MTA1: variants seen among roughly 807,000 people sequenced by gnomAD.
MTA1 encodes the protein metastasis-associated protein MTA1.
A neutral mutation model predicts 97.0 loss-of-function variants in MTA1; 15 were observed. The observed-to-expected ratio is 0.15, with a 90% CI of 0.10 to 0.24. The LOEUF (loss-of-function observed/expected upper bound fraction) is 0.24. MTA1 is among the 10% of genes least tolerant of loss of function. The pLI, the probability that MTA1 is intolerant of heterozygous loss-of-function variation, is 1.00. For synonymous variants in MTA1, 435 were observed against 417.5 expected (o/e 1.04, Z -0.51); for missense variants, 709 against 1,015.1 (o/e 0.70, Z 4.10).
chr14:105,465,062 C>A, intron 15 of MTA1, 32 bp from the exon 16 acceptor site: 1 of 1,480,794 alleles, frequency 6.8e-7, no homozygotes, highest in Non-Finnish European at 9.0e-7. Context: ...CCTGGGGGTG[C>A]CCCACCCCTC....
At chr14:105,425,164 G>A (rs781892022) in intron 1 of MTA1, among the ~76,000 whole-genome samples, 9 of 152,338 alleles carry the variant, frequency 5.9e-5, no homozygotes, top group Non-Finnish European at 8.8e-5. Flanking sequence ...GCCAGATTAT[G>A]GGCTGAGTCC....
chr14:105,441,997 AG>A (rs2082547995), intron 2 of MTA1, among the ~76,000 whole-genome samples: 1 of 152,196 alleles, frequency 6.6e-6, no homozygotes, highest in Non-Finnish European at 1.5e-5. Context: ...GATAAAGTTG[AG>A]GATACCGCAC....
chr14:105,463,967 G>A lies in MTA1; in HGVS notation c.1077-65G>A. ...GGGGTGGTCAGCCGCGGTGCCTGCT[G>A]GGCACATGGGCCCTCGAGGTTTGTG... On this transcript the variant is annotated intron_variant, in intron 12 of 20. Coordinates refer to ENST00000331320, the MANE Select transcript of MTA1 (RefSeq NM_004689.4). The surrounding 1 kb of genome is among the most constrained non-coding windows in gnomAD (Gnocchi z 5.9). The A allele has an allele frequency of 6.6e-7, 1 of 1,518,636 alleles. No individual in the cohort carries two copies. Among genetic ancestry groups the A allele is most frequent in the South Asian group, 1.1e-5 (1 of 88,512 alleles). 94.1% of individuals were successfully genotyped at this position (1,518,636 alleles called of 1,614,324 possible).
At chr14:105,433,611 A>G (rs1555423838) in intron 1 of MTA1, among the ~76,000 whole-genome samples, 1 of 152,180 alleles carries the variant, frequency 6.6e-6, no homozygotes, top group African/African-American at 2.4e-5. Context: ...ACTTAGAGCC[A>G]CGCACCTGGG....
At position 105,442,228 on chromosome 14, in the gene MTA1, C is replaced by T. The variant is rs587600869; in HGVS notation, c.97-3190C>T. ...CGGAGTCAAAACCCACTTTGCCTTTCGGCAGCCGCGTTCAGGTGTGGAGGC... is the reference window on the plus strand; with the variant it reads ...CGGAGTCAAAACCCACTTTGCCTTTTGGCAGCCGCGTTCAGGTGTGGAGGC... On this transcript the variant is annotated intron_variant, in intron 2 of 20. Transcript: ENST00000331320. 2.2e-4 allele frequency among the ~76,000 whole-genome samples: 33 copies of T among 152,340 alleles called. No homozygotes were observed. In the South Asian group the frequency reaches 2.9e-3, roughly 13 times the overall value.
intron 16 of MTA1, 169 bp downstream of exon 16, chr14:105,465,352 G>T: frequency 4.3e-6 from 2 of 462,864 alleles, no homozygotes; most frequent in Non-Finnish European, 7.2e-6. Flanking sequence ...GGCTCAGGCA[G>T]ACCCACTGGG....
rs1007702018 is a variant in MTA1, at chr14:105,464,584, C to T, written c.1344+17C>T. On this transcript the variant is annotated intron_variant, in intron 14 of 20. Coordinates refer to ENST00000331320, the MANE Select transcript of MTA1 (RefSeq NM_004689.4). ...AGTAACATGGTAAGGGGGGGGACACCCGCCCTGCCTGCCATGAGCCTGTCG... is the reference window on the plus strand; with the variant it reads ...AGTAACATGGTAAGGGGGGGGACACTCGCCCTGCCTGCCATGAGCCTGTCG... The T allele has an allele frequency of 1.9e-6, 3 of 1,612,358 alleles. No homozygotes were observed. The highest frequency in any genetic ancestry group is 2.7e-5 in the African/African-American group (2 of 75,036).
intron 4 of MTA1, 77 bp from the exon 5 acceptor site, chr14:105,449,981 G>A (rs2082860184): frequency 6.3e-7 from 1 of 1,596,960 alleles, no homozygotes; most frequent in Non-Finnish European, 8.6e-7. Flanking sequence ...GCTGGCGCCA[G>A]GTGGGGCTGG....
rs150056015 is a variant in MTA1 at position 105,432,401 on chromosome 14, C to T, written c.29-6271C>T. On this transcript the variant is annotated intron_variant, in intron 1 of 20. Coordinates refer to ENST00000331320, the MANE Select transcript of MTA1 (RefSeq NM_004689.4). ...GATTACAGGCACATGCCACCATGCC[C>T]GGCTAATTTTTGTATTTTTAGTGGA... Among the ~76,000 whole-genome samples the T allele has an allele frequency of 6.5e-3, 986 of 152,080 alleles. 19 individuals carry two copies. Among genetic ancestry groups the T allele is most frequent in the African/African-American group, 0.02 (837 of 41,466 alleles).
At position 105,420,371 on chromosome 14, in the gene MTA1, C is replaced by T. The variant is rs1280808003; in HGVS notation, c.28+308C>T. Among the ~76,000 whole-genome samples, 1 of 151,738 alleles carries T rather than the reference C, an allele frequency of 6.6e-6. No homozygotes were observed. The highest frequency in any genetic ancestry group is 2.4e-5 in the African/African-American group (1 of 41,368). On this transcript the variant is annotated intron_variant, in intron 1 of 20. Transcript: ENST00000331320. The surrounding 1 kb of genome is among the most constrained non-coding windows in gnomAD (Gnocchi z 5.3). ...GGGGCCTGCGGGACATCCGGGGGTC[C>T]GGGGCCGGGAGCCCCCAGCGGGAGC...
Position 105,464,094 on chromosome 14 carries a change from CGG to C in MTA1, c.1143_1144del (p.Pro383GlyfsTer28). On this transcript the variant is annotated frameshift_variant, in exon 13 of 21. Coordinates refer to ENST00000331320, the MANE Select transcript of MTA1 (RefSeq NM_004689.4). LOFTEE classifies it high-confidence loss of function. Reference sequence around the variant, plus strand: ...GTCAAGGCCGGTGTGGTGAACGGCACGGGGGCGCCGGGCCAGAGCCCTGGGGC... The same window carrying C: ...GTCAAGGCCGGTGTGGTGAACGGCACGGGCGCCGGGCCAGAGCCCTGGGGC... 1 of 1,612,286 alleles carries C rather than the reference CGG, an allele frequency of 6.2e-7. No individual in the cohort carries two copies. Among genetic ancestry groups the C allele is most frequent in the Non-Finnish European group, 8.5e-7 (1 of 1,179,714 alleles).
chr14:105,454,163 C>T (rs1351790246), intron 6 of MTA1, 30 bp from the exon 7 acceptor site: 22 of 1,551,694 alleles, frequency 1.4e-5, no homozygotes, highest in African/African-American at 5.4e-5. Context: ...ACTGTGCTGA[C>T]GCCTCTCTGT....
At chr14:105,447,084 T>C (rs2082740636) in intron 3 of MTA1, among the ~76,000 whole-genome samples, 1 of 152,208 alleles carries the variant, frequency 6.6e-6, no homozygotes, top group Non-Finnish European at 1.5e-5. Context: ...CTGCAGGTGC[T>C]GGGTGCCAGT....
intron 6 of MTA1, among the ~76,000 whole-genome samples, chr14:105,450,729 C>T (rs1353880849): frequency 2.0e-5 from 3 of 152,148 alleles, no homozygotes; most frequent in African/African-American, 4.8e-5. Context: ...TGTGATTATA[C>T]GGTGTTACCA....
intron 2 of MTA1, among the ~76,000 whole-genome samples, chr14:105,440,576 T>C (rs1199299488): frequency 3.3e-5 from 5 of 152,254 alleles, no homozygotes; most frequent in African/African-American, 9.6e-5. Flanking sequence ...CTTCCAGCCC[T>C]TGGGCGATGT....
intron 1 of MTA1, among the ~76,000 whole-genome samples, chr14:105,437,336 TGTCCTCATGGGTGTGTGGCTGCAGGTGC>T (rs1314580511): frequency 1.4e-4 from 21 of 149,138 alleles, no homozygotes; most frequent in Non-Finnish European, 2.2e-4. Context: ...CTCATGGGAG[TGTCCTCATGGGTGTGTGGCTGCAGGTGC>T]GTCCTCAGGG....
chr14:105,468,869 C>T (rs868932650), intron 18 of MTA1: 10 of 277,576 alleles, frequency 3.6e-5, no homozygotes, highest in Non-Finnish European at 5.8e-5. Context: ...GCATGGACCC[C>T]GCTTCTTGGC....
rs12323909 is a variant in MTA1 at position 105,439,235 on chromosome 14, C to G, written c.96+496C>G. Reference sequence around the variant, plus strand: ...CCCTGCAGGGCTGTGAGCTCTGCCCCCAACCCTGAGGTGTCTGCGTGGCTG... The same window carrying G: ...CCCTGCAGGGCTGTGAGCTCTGCCCGCAACCCTGAGGTGTCTGCGTGGCTG... On this transcript the variant is annotated intron_variant, in intron 2 of 20. Coordinates refer to ENST00000331320, the MANE Select transcript of MTA1 (RefSeq NM_004689.4). 1.5e-3 allele frequency among the ~76,000 whole-genome samples: 52 copies of G among 35,406 alleles called. No homozygotes were observed. The Admixed American group carries it at 0.015, about 10-fold the overall frequency. 23.2% of individuals were successfully genotyped at this position (35,406 alleles called of 152,430 possible). A position where few individuals can be genotyped will look rare whatever the true frequency, so the allele number is the denominator to read the frequency against.
intron 18 of MTA1, chr14:105,467,226 G>A: frequency 2.8e-6 from 1 of 361,554 alleles, no homozygotes; most frequent in Non-Finnish European, 5.5e-6. Flanking sequence ...CGGTTGCTTG[G>A]AGCAGGGGCT....
Sources: allele counts gnomAD v4.1 joint callset (sites outside exome capture counted in the v4.1 genomes callset), GRCh38; gene constraint gnomAD v4.1.1; non-coding constraint Gnocchi (gnomAD v3.1); transcripts MANE v1.5; gene names NCBI Gene and HGNC (gene_info 2026-07-23, HGNC 2026-07-21).